Variants in COL23A1 observed in about 807,000 individuals in gnomAD.
COL23A1 encodes collagen type XXIII alpha 1 chain, also known as collagen alpha-1(XXIII) chain.
A neutral mutation model predicts 99.3 loss-of-function variants in COL23A1; 97 were observed. That is an observed-to-expected ratio of 0.98 (90% CI 0.83 to 1.16). The LOEUF (loss-of-function observed/expected upper bound fraction) is 1.16. COL23A1 is among the 50% of genes most tolerant of loss of function. The probability of loss-of-function intolerance (pLI) is 0.00; values close to 1 mark genes in which losing one functional copy is unlikely to be tolerated. For missense variants in COL23A1, 762 were observed against 757.4 expected (o/e 1.01, Z -0.07); for synonymous variants, 320 against 308.2 (o/e 1.04, Z -0.40).
chr5:178,475,115 C>A (rs1756960261), intron 2 of COL23A1, among the ~76,000 whole-genome samples: 1 of 152,176 alleles, frequency 6.6e-6, no homozygotes, highest in African/African-American at 2.4e-5. Context: ...AAATGGACAG[C>A]AATCATTGGA....
intron 6 of COL23A1, among the ~76,000 whole-genome samples, chr5:178,270,038 A>G (rs1270965267): frequency 6.6e-6 from 1 of 152,012 alleles, no homozygotes; most frequent in Non-Finnish European, 1.5e-5. Flanking sequence ...GGCTGACTAG[A>G]CCCCAGGGAC....
rs760911749 is a variant in COL23A1 at position 178,560,721 on chromosome 5, T to C, written c.322A>G (p.Thr108Ala). Residue 108 changes from threonine (T) to alanine (A), a missense_variant, in exon 2 of 29, where the codon ACT (threonine) becomes GCT (alanine). Physicochemically the swap from Thr to Ala is moderately conservative, Grantham distance 58. Coordinates refer to ENST00000390654, the MANE Select transcript of COL23A1 (RefSeq NM_173465.4). ...CATTCGGATGGAGCTTCCCGAGCAGTCCGGATCTTCGCTAGTCCGTCCAAC... is the reference window on the plus strand; with the variant it reads ...CATTCGGATGGAGCTTCCCGAGCAGCCCGGATCTTCGCTAGTCCGTCCAAC... ...EKLDGLAKIR[T>A]AREAPSECVC... 9 of 1,610,802 alleles carry C rather than the reference T, an allele frequency of 5.6e-6. No individual in the cohort carries two copies. The South Asian group carries it at 8.8e-5, about 16-fold the overall frequency.
intron 3 of COL23A1, among the ~76,000 whole-genome samples, chr5:178,293,446 G>A (rs1757571129): frequency 1.3e-5 from 2 of 152,170 alleles, no homozygotes; most frequent in African/African-American, 4.8e-5. Context: ...CAGGAAGCGA[G>A]GCCGTCAGCC....
intron 1 of COL23A1, among the ~76,000 whole-genome samples, chr5:178,561,072 C>G (rs1234363707): frequency 1.3e-5 from 2 of 152,204 alleles, no homozygotes; most frequent in Non-Finnish European, 2.9e-5. Flanking sequence ...CGACCACCAG[C>G]CCTGCAGGGA....
At chr5:178,386,280 A>G (rs1763667213) in intron 2 of COL23A1, among the ~76,000 whole-genome samples, 1 of 152,146 alleles carries the variant, frequency 6.6e-6, no homozygotes, top group African/African-American at 2.4e-5. Flanking sequence ...ATCTACTAAA[A>G]TACAAAAAAT....
intron 2 of COL23A1, among the ~76,000 whole-genome samples, chr5:178,484,359 T>C (rs1001198563): frequency 2.1e-4 from 32 of 152,250 alleles, no homozygotes; most frequent in African/African-American, 5.3e-4. Context: ...GAAGATTGGG[T>C]GTCCCTCAAG....
chr5:178,239,571 C>T (rs931947732), intron 27 of COL23A1, among the ~76,000 whole-genome samples: 4 of 142,058 alleles, frequency 2.8e-5, no homozygotes, highest in Non-Finnish European at 4.6e-5. Context: ...CTGCCGAGAG[C>T]CGTGTGGCTT....
At chr5:178,485,338 G>T (rs1581480990) in intron 2 of COL23A1, among the ~76,000 whole-genome samples, 1 of 151,886 alleles carries the variant, frequency 6.6e-6, no homozygotes, top group Non-Finnish European at 1.5e-5. Flanking sequence ...AGCTGGGCGT[G>T]GTGGTGTGTG....
chr5:178,578,109 GCA>G (rs1214068509), intron 1 of COL23A1, among the ~76,000 whole-genome samples: 1 of 146,428 alleles, frequency 6.8e-6, no homozygotes, highest in Non-Finnish European at 1.5e-5. Flanking sequence ...ACGCCCACAT[GCA>G]CACATTCATG....
In COL23A1 at chr5:178,589,719, T is replaced by G. The variant is rs2113778140; in HGVS notation, c.294+185A>C. ...CCGGAGCGGAGACCGCAAAACCCCT[T>G]GGGGCCGGCACCCCCTGCCTCCGCC... On this transcript the variant is annotated intron_variant, in intron 1 of 28. Transcript: ENST00000390654. The surrounding 1 kb of genome is among the most constrained non-coding windows in gnomAD (Gnocchi z 5.4). Among the ~76,000 whole-genome samples the G allele has an allele frequency of 6.6e-6, 1 of 151,546 alleles. No homozygotes were observed. Among genetic ancestry groups the G allele is most frequent in the South Asian group, 2.1e-4 (1 of 4,810 alleles).
intron 1 of COL23A1, among the ~76,000 whole-genome samples, chr5:178,576,465 C>A (rs1763364780): frequency 2.0e-5 from 3 of 152,228 alleles, no homozygotes; most frequent in South Asian, 4.1e-4. Context: ...GAACTCCTGA[C>A]CTCGTGATCC....
rs1761460414 is a variant in COL23A1, at chr5:178,544,324, G to T, written c.361+16358C>A. Among the ~76,000 whole-genome samples the T allele has an allele frequency of 6.6e-6, 1 of 152,178 alleles. No homozygotes were observed. The highest frequency in any genetic ancestry group is 6.5e-5 in the Admixed American group (1 of 15,282). ...AGCCCAGCCCCTGCTGGAGCTCCTG[G>T]ATCCCAAGGCGGGGAAGGCAAGTCG... On this transcript the variant is annotated intron_variant, in intron 2 of 28. Coordinates refer to ENST00000390654, the MANE Select transcript of COL23A1 (RefSeq NM_173465.4). The surrounding 1 kb of genome is among the most constrained non-coding windows in gnomAD (Gnocchi z 4.4).
At chr5:178,256,447 A>G in intron 14 of COL23A1, 50 bp from the exon 15 acceptor site, 1 of 1,555,366 alleles carries the variant, frequency 6.4e-7, no homozygotes, top group South Asian at 1.2e-5. Flanking sequence ...AAGCCAAAAC[A>G]CACCTCCCAC....
chr5:178,294,294 T>TC (rs747484229), intron 3 of COL23A1, among the ~76,000 whole-genome samples: 1,192 of 41,368 alleles, frequency 0.029, 86 homozygotes, highest in African/African-American at 0.072. Context: ...CCGAGCTCCC[T>TC]CCCAAATCAC....
At position 178,407,069 on chromosome 5, in the gene COL23A1, A is replaced by C. The variant is rs76691628; in HGVS notation, c.362-100150T>G. ...TTACTTGTTTGTTTCGGTCTCATATATGCAGAACTGGGTGCTAAATAAGTT... is the reference window on the plus strand; with the variant it reads ...TTACTTGTTTGTTTCGGTCTCATATCTGCAGAACTGGGTGCTAAATAAGTT... On this transcript the variant is annotated intron_variant, in intron 2 of 28. Transcript: ENST00000390654. Among the ~76,000 whole-genome samples, 882 of 152,332 alleles carry C rather than the reference A, an allele frequency of 5.8e-3. 6 individuals carry two copies. Among genetic ancestry groups the C allele is most frequent in the African/African-American group, 0.02 (847 of 41,568 alleles).
At chr5:178,487,679 G>A (rs1275418563) in intron 2 of COL23A1, among the ~76,000 whole-genome samples, 3 of 152,106 alleles carry the variant, frequency 2.0e-5, no homozygotes, top group Non-Finnish European at 2.9e-5. Flanking sequence ...ATCTCTCCTG[G>A]GAAAACTGGG....
intron 2 of COL23A1, among the ~76,000 whole-genome samples, chr5:178,453,620 A>C (rs541934652): frequency 5.9e-5 from 9 of 152,316 alleles, no homozygotes; most frequent in African/African-American, 1.9e-4. Context: ...AGGGTTCTTA[A>C]GATTGGCCCA....
chr5:178,573,105 G>A (rs1763186551), intron 1 of COL23A1, among the ~76,000 whole-genome samples: 1 of 152,220 alleles, frequency 6.6e-6, no homozygotes, highest in South Asian at 2.1e-4. Flanking sequence ...GGTGAGGGAT[G>A]CATTCCCTAT....
intron 2 of COL23A1, among the ~76,000 whole-genome samples, chr5:178,377,505 G>A (rs889207547): frequency 2.0e-5 from 3 of 152,224 alleles, no homozygotes; most frequent in Non-Finnish European, 4.4e-5. Context: ...ACAGCCAGAC[G>A]TGTCATCCTG....
Sources: gnomAD v4.1 joint callset for allele counts (sites outside exome capture counted in the v4.1 genomes callset) on GRCh38, gnomAD v4.1.1 for gene constraint, Gnocchi (gnomAD v3.1) non-coding constraint, MANE v1.5 for transcripts, NCBI Gene and HGNC (gene_info 2026-07-23, HGNC 2026-07-21) for gene names.